ZWILCH: variants seen among roughly 807,000 people sequenced by gnomAD.
ZWILCH encodes zwilch kinetochore protein.
A neutral mutation model predicts 79.9 loss-of-function variants in ZWILCH; 74 were observed. That is an observed-to-expected ratio of 0.93 (90% CI 0.77 to 1.12). The LOEUF is 1.12. Ranked by LOEUF, ZWILCH falls within the 50% of genes most tolerant of loss-of-function variation. The pLI is 0.00. For synonymous variants in ZWILCH, 241 were observed against 228.2 expected (o/e 1.06, Z -0.51); for missense variants, 694 against 687.5 (o/e 1.01, Z -0.11).
Position 66,527,332 on chromosome 15 carries a change from G to A in ZWILCH, c.862G>A (p.Glu288Lys), listed in dbSNP as rs753376082. ...GAGGACTGGTGTCACTGAATGGCTC[G>A]AGCCCCTGGAAGCAAAATCTGCTGT... Reference protein sequence around the residue: ...GLRTGVTEWLEPLEAKSAVEL... With the variant: ...GLRTGVTEWLKPLEAKSAVEL... The change falls in exon 9 of 19, where the codon GAG becomes AAG. Residue 288 changes from glutamate (E) to lysine (K), a missense_variant. Physicochemically the swap from Glu to Lys is moderately conservative, Grantham distance 56. Transcript: ENST00000307897. 7 of 1,614,046 alleles carry A rather than the reference G, an allele frequency of 4.3e-6. No homozygotes were observed. The highest frequency in any genetic ancestry group is 2.2e-5 in the South Asian group (2 of 91,066).
intron 14 of ZWILCH, among the ~76,000 whole-genome samples, chr15:66,533,429 C>T (rs1894913226): frequency 6.6e-6 from 1 of 152,054 alleles, no homozygotes. Context: ...TCAGGGTCAT[C>T]GTTATGAACT....
At chr15:66,515,721 T>A in intron 4 of ZWILCH, 77 bp downstream of exon 4, 5 of 988,900 alleles carry the variant, frequency 5.1e-6, no homozygotes, top group Non-Finnish European at 6.5e-6. Context: ...TTGGGAAAAA[T>A]AGGCCTCTAG....
chr15:66,544,719 G>GTGTGTGT (rs1555426538), intron 17 of ZWILCH, among the ~76,000 whole-genome samples: 3 of 44,780 alleles, frequency 6.7e-5, no homozygotes, highest in African/African-American at 1.3e-4. Context: ...TTGTTTTTTT[G>GTGTGTGT]GTTTTTGTGT....
chr15:66,519,046 C>T lies in ZWILCH; in HGVS notation c.488C>T (p.Thr163Ile), dbSNP rs1315597891. ...CTTATCACAACAAACAACAGCATTA[C>T]AGGAATTGTCTTATATGTGGTCAGT... Reference protein sequence around the residue: ...AELITTNNSITGIVLYVVSCK... With the variant: ...AELITTNNSIIGIVLYVVSCK... The change falls in exon 5 of 19, where the codon ACA (threonine) becomes ATA (isoleucine). Residue 163 changes from threonine (T) to isoleucine (I), a missense_variant. Thr to Ile is a moderately conservative substitution (Grantham distance 89). Transcript: ENST00000307897. 2 of 1,614,084 alleles carry T rather than the reference C, an allele frequency of 1.2e-6. No homozygotes were observed. The highest frequency in any genetic ancestry group is 3.3e-5 in the Admixed American group (2 of 60,006).
chr15:66,528,196 A>G (rs1458885434), intron 10 of ZWILCH, among the ~76,000 whole-genome samples: 1 of 152,192 alleles, frequency 6.6e-6, no homozygotes, highest in Non-Finnish European at 1.5e-5. Flanking sequence ...TTTGACCTCC[A>G]GGGCTCAAGC....
Position 66,505,343 on chromosome 15 carries a change from G to C in ZWILCH, c.5G>C (p.Trp2Ser), listed in dbSNP as rs748258443. Residue 2 changes from tryptophan (W) to serine (S), a missense_variant, in exon 1 of 19, where the codon TGG becomes TCG. Transcript: ENST00000307897. MWERLNCAAEDF... is the reference protein window; with the variant it reads MSERLNCAAEDF... ...CCGCTCTCACATTGGGGCGGGATGT[G>C]GGAGCGGCTGAACTGCGCAGCAGAG... 1.2e-6 allele frequency: 2 copies of C among 1,613,948 alleles called. No individual in the cohort carries two copies.
In ZWILCH at chr15:66,546,649, G is replaced by T; in HGVS notation, c.1746G>T (p.Met582Ile). ...SLEERIFFTN[M>I]VTCSQVHFK ...AAGAAAGGATATTCTTTACTAACAT[G>T]GTTACCTGCAGCCAGGTGCATTTCA... Residue 582 changes from methionine (M) to isoleucine (I), a missense_variant, in exon 18 of 19, where the codon ATG becomes ATT. Physicochemically the swap from Met to Ile is conservative, Grantham distance 10. Coordinates refer to ENST00000307897, the MANE Select transcript of ZWILCH (RefSeq NM_017975.5). 6.2e-7 allele frequency: 1 copy of T among 1,608,542 alleles called. No homozygotes were observed. The highest frequency in any genetic ancestry group is 1.1e-5 in the South Asian group (1 of 90,196).
chr15:66,506,063 TG>T (rs1182443080), intron 1 of ZWILCH, among the ~76,000 whole-genome samples: 2 of 152,200 alleles, frequency 1.3e-5, no homozygotes, highest in African/African-American at 4.8e-5. Context: ...AGGTCTGAGA[TG>T]GGGCCAATTA....
chr15:66,523,731 G>T lies in ZWILCH; in HGVS notation c.802G>T (p.Glu268Ter), dbSNP rs374127628. Reference protein sequence around the residue: ...PRGPLNHLYRELKFLLVLADG... With the variant: ...PRGPLNHLYR The stretch of plus-strand genomic sequence containing the variant: ...AGGTCCTTTGAATCATCTCTACAGA[G>T]AACTGAAATTTCTTCTTGTGAGTAT... Residue 268 changes from glutamate (E) to a stop codon, truncating the protein, a stop_gained, in exon 8 of 19, where the codon GAA (glutamate) becomes TAA (stop). Transcript: ENST00000307897. LOFTEE classifies it high-confidence loss of function. 1 of 1,610,020 alleles carries T rather than the reference G, an allele frequency of 6.2e-7. No individual in the cohort carries two copies. The highest frequency in any genetic ancestry group is 8.5e-7 in the Non-Finnish European group (1 of 1,177,356).
intron 4 of ZWILCH, among the ~76,000 whole-genome samples, chr15:66,518,078 A>G (rs1014660220): frequency 2.0e-5 from 3 of 151,450 alleles, no homozygotes; most frequent in East Asian, 1.9e-4. Context: ...TACCTCTTCA[A>G]CTTCTACTGA....
rs770824598 is a variant in ZWILCH, at chr15:66,505,359, C to T, written c.21C>T (p.Cys7=). The T allele has an allele frequency of 2.5e-6, 4 of 1,614,064 alleles. No individual in the cohort carries two copies. Among genetic ancestry groups the T allele is most frequent in the East Asian group, 4.5e-5 (2 of 44,886 alleles). The change falls in exon 1 of 19, where the codon TGC becomes TGT. Residue 7 remains cysteine, a synonymous_variant. Coordinates refer to ENST00000307897, the MANE Select transcript of ZWILCH (RefSeq NM_017975.5). ...GCGGGATGTGGGAGCGGCTGAACTG[C>T]GCAGCAGAGGACTTTTATTCTCGTC... MWERLN[C]AAEDFYSRLL...
intron 8 of ZWILCH, chr15:66,524,623 C>T (rs148869038): frequency 5.3e-5 from 8 of 152,242 alleles, no homozygotes; most frequent in Non-Finnish European, 8.8e-5. Flanking sequence ...TCCACACATA[C>T]CTCTTGTCAG....
rs1192703016 is a variant in ZWILCH, at chr15:66,521,126, C to T, written c.668C>T (p.Thr223Ile). ...GATGATACAATCACAGCATCACAAA[C>T]TGCGATCGCTTTGGATATTTCCTGG... ...ALDDTITASQ[T>I]AIALDISWSP... is the part of the protein sequence containing the mutation. The change falls in exon 7 of 19, where the codon ACT becomes ATT. Residue 223 changes from threonine (T) to isoleucine (I), a missense_variant. Coordinates refer to ENST00000307897, the MANE Select transcript of ZWILCH (RefSeq NM_017975.5). The T allele has an allele frequency of 1.9e-6, 3 of 1,614,124 alleles. No homozygotes were observed. Among genetic ancestry groups the T allele is most frequent in the African/African-American group, 1.3e-5 (1 of 75,040 alleles).
chr15:66,519,299 C>T (rs1894405374), intron 5 of ZWILCH, among the ~76,000 whole-genome samples: 1 of 152,124 alleles, frequency 6.6e-6, no homozygotes, highest in African/African-American at 2.4e-5. Context: ...GAGGTTTACA[C>T]TTCTTTGATT....
intron 14 of ZWILCH, among the ~76,000 whole-genome samples, chr15:66,534,122 A>G (rs1012601746): frequency 4.6e-5 from 7 of 152,082 alleles, no homozygotes; most frequent in African/African-American, 1.7e-4. Flanking sequence ...CCCTGTTTCA[A>G]AAAAAAGGGA....
chr15:66,505,478 A>G, intron 1 of ZWILCH, 87 bp downstream of exon 1: 3 of 1,513,980 alleles, frequency 2.0e-6, no homozygotes, highest in Non-Finnish European at 2.7e-6. Context: ...GCCTCTTGCC[A>G]CTCTGGGGAT....
intron 16 of ZWILCH, 122 bp downstream of exon 16, chr15:66,537,385 C>A: frequency 1.7e-6 from 1 of 604,630 alleles, no homozygotes; most frequent in South Asian, 2.0e-5. Context: ...TAATGAGACC[C>A]TGTCTCTATT....
chr15:66,520,661 G>A lies in ZWILCH; in HGVS notation c.591+1G>A. The A allele has an allele frequency of 6.5e-7, 1 of 1,547,760 alleles. No homozygotes were observed. Among genetic ancestry groups the A allele is most frequent in the Non-Finnish European group, 8.8e-7 (1 of 1,130,014 alleles). On this transcript the variant is annotated splice_donor_variant, in intron 6 of 18. Coordinates refer to ENST00000307897, the MANE Select transcript of ZWILCH (RefSeq NM_017975.5). LOFTEE classifies it high-confidence loss of function. ...CAAGAAAAGACATCACTTGTCTACT[G>A]TAAGTGTTTTGCTTCTACTCATATT...
intron 8 of ZWILCH, among the ~76,000 whole-genome samples, chr15:66,524,917 A>G (rs1894620153): frequency 1.3e-5 from 2 of 152,138 alleles, no homozygotes; most frequent in Non-Finnish European, 1.5e-5. Flanking sequence ...GCACCCCTGC[A>G]GAGCTGATCT....
Sources: allele counts gnomAD v4.1 joint callset (sites outside exome capture counted in the v4.1 genomes callset), GRCh38; gene constraint gnomAD v4.1.1; transcripts MANE v1.5; gene names NCBI Gene and HGNC (gene_info 2026-07-23, HGNC 2026-07-21).